TOMM70: variants seen among roughly 807,000 people sequenced by gnomAD.
The protein encoded by TOMM70 is translocase of outer mitochondrial membrane 70.
TOMM70 carries 13 observed loss-of-function variants against 73.6 expected under a neutral mutation model. The ratio of observed to expected loss-of-function variants is 0.18; its 90% CI spans 0.11 to 0.28. The LOEUF (loss-of-function observed/expected upper bound fraction) is 0.28. TOMM70 is among the 10% of genes least tolerant of loss of function. The pLI, the probability that TOMM70 is intolerant of heterozygous loss-of-function variation, is 1.00. For missense variants in TOMM70, 609 were observed against 747.5 expected, an observed-to-expected ratio of 0.81 and a Z score of 2.16; for synonymous variants, 257 against 271.2, an observed-to-expected ratio of 0.95 and a Z score of 0.51.
In TOMM70 at chr3:100,372,679, G is replaced by A; in HGVS notation, c.1379C>T (p.Ala460Val). The change falls in exon 9 of 12, where the codon GCA becomes GTA. Residue 460 changes from alanine (A) to valine (V), a missense_variant. Physicochemically the swap from Ala to Val is moderately conservative, Grantham distance 64. This residue lies in a region of TOMM70 where 432 missense variants were observed against 584.1 expected (regional missense o/e 0.74). Coordinates refer to ENST00000284320, the MANE Select transcript of TOMM70 (RefSeq NM_014820.5). ...GACCTCTTCAAAACCTTTCATAGCT[G>A]CTTGGATTTGTGAAGAGTTGTTTCC... Reference protein sequence around the residue: ...YTGNNSSQIQAAMKGFEEVIK... With the variant: ...YTGNNSSQIQVAMKGFEEVIK... 6.2e-7 allele frequency: 1 copy of A among 1,613,970 alleles called. No individual in the cohort carries two copies. The highest frequency in any genetic ancestry group is 1.7e-5 in the Admixed American group (1 of 60,002).
rs1280693770 is a variant in TOMM70, at chr3:100,400,656, G to A, written c.294C>T (p.His98=). The change falls in exon 1 of 12, where the codon CAC becomes CAT. Residue 98 remains histidine, a synonymous_variant. Coordinates refer to ENST00000284320, the MANE Select transcript of TOMM70 (RefSeq NM_014820.5). ...GRASPAPGSG[H]PEGPGAHLDM... ...CCAAGTGAGCACCGGGACCTTCAGG[G>A]TGTCCGCTGCCCGGGGCCGGACTGG... is the stretch of plus-strand genomic sequence containing the variant. 3.7e-6 allele frequency: 6 copies of A among 1,612,266 alleles called. No individual in the cohort carries two copies. Among genetic ancestry groups the A allele is most frequent in the African/African-American group, 2.7e-5 (2 of 74,880 alleles).
intron 1 of TOMM70, among the ~76,000 whole-genome samples, chr3:100,394,597 G>C (rs925560597): frequency 1.3e-5 from 2 of 152,012 alleles, no homozygotes; most frequent in East Asian, 3.9e-4. Context: ...TCCACCTCCC[G>C]GGTTCAAGTG....
intron 2 of TOMM70, 106 bp from the exon 3 acceptor site, chr3:100,386,450 G>GTAT: frequency 8.4e-7 from 1 of 1,185,980 alleles, no homozygotes; most frequent in Non-Finnish European, 1.1e-6. Flanking sequence ...GAATAAAAAA[G>GTAT]TATTCCTAAT....
intron 9 of TOMM70, among the ~76,000 whole-genome samples, chr3:100,369,469 C>A (rs1706484763): frequency 6.6e-6 from 1 of 150,942 alleles, no homozygotes; most frequent in African/African-American, 2.4e-5. Flanking sequence ...ATCACTTATT[C>A]ATAATTTATC....
chr3:100,379,816 TC>T (rs2148891341), intron 5 of TOMM70, among the ~76,000 whole-genome samples: 1 of 152,162 alleles, frequency 6.6e-6, no homozygotes, highest in East Asian at 1.9e-4. Flanking sequence ...ACAGGGTTTC[TC>T]CATGTTGCCC....
At chr3:100,397,667 A>G (rs554883557) in intron 1 of TOMM70, among the ~76,000 whole-genome samples, 25 of 152,110 alleles carry the variant, frequency 1.6e-4, no homozygotes, top group East Asian at 1.4e-3. Flanking sequence ...AAGGCGGGTG[A>G]ATCACGAGGT....
intron 3 of TOMM70, 96 bp from the exon 4 acceptor site, chr3:100,384,684 T>C (rs1389587854): frequency 5.3e-6 from 4 of 752,782 alleles, no homozygotes. Context: ...AAAGCCAAAC[T>C]AAATTCATGG....
At chr3:100,399,155 G>A (rs553162314) in intron 1 of TOMM70, among the ~76,000 whole-genome samples, 4 of 151,992 alleles carry the variant, frequency 2.6e-5, no homozygotes, top group Admixed American at 6.6e-5. Flanking sequence ...GGTGGCGCGC[G>A]CCTGTAGTCC....
intron 11 of TOMM70, 124 bp downstream of exon 11, chr3:100,367,920 C>T: frequency 1.9e-6 from 2 of 1,063,624 alleles, no homozygotes; most frequent in East Asian, 3.1e-5. Flanking sequence ...TTTTTTTTTC[C>T]AACGTGAATA....
chr3:100,378,932 G>A (rs1266920992), intron 5 of TOMM70, among the ~76,000 whole-genome samples: 6 of 152,098 alleles, frequency 3.9e-5, no homozygotes, highest in East Asian at 1.9e-4. Flanking sequence ...GCATGAACCC[G>A]GGAGGCGGAG....
At chr3:100,367,735 G>A (rs925514727) in intron 11 of TOMM70, among the ~76,000 whole-genome samples, 19 of 152,196 alleles carry the variant, frequency 1.2e-4, no homozygotes, top group Non-Finnish European at 2.5e-4. Flanking sequence ...CAAAATAAGA[G>A]GTTAAGGACA....
At chr3:100,370,132 A>G (rs1706492986) in intron 9 of TOMM70, among the ~76,000 whole-genome samples, 2 of 152,220 alleles carry the variant, frequency 1.3e-5, no homozygotes, top group Admixed American at 6.5e-5. Context: ...TAGCCAGCAC[A>G]TCTTCTTTAT....
At chr3:100,367,079 G>C (rs1000582698) in intron 11 of TOMM70, among the ~76,000 whole-genome samples, 6 of 152,112 alleles carry the variant, frequency 3.9e-5, no homozygotes, top group African/African-American at 1.4e-4. Context: ...AAGTTAGCTG[G>C]GCATGGTGGT....
intron 2 of TOMM70, 119 bp downstream of exon 2, chr3:100,386,686 T>A: frequency 8.2e-7 from 1 of 1,225,404 alleles, no homozygotes; most frequent in Non-Finnish European, 1.1e-6. Flanking sequence ...AAGAACAACA[T>A]CCCATAATTT....
rs1295922467 is a variant in TOMM70 at position 100,363,865 on chromosome 3, T to G, written c.*1699A>C. The G allele has an allele frequency of 6.6e-6, 1 of 152,280 alleles. No homozygotes were observed. Among genetic ancestry groups the G allele is most frequent in the East Asian group, 1.9e-4 (1 of 5,174 alleles). The allele number at this position is 152,280 out of a possible 1,614,324, so 9.4% of individuals were successfully genotyped here. On this transcript the variant is annotated 3_prime_UTR_variant, in exon 12 of 12. Transcript: ENST00000284320. Reference sequence around the variant, plus strand: ...GAATTATATTAACTGCACCAACTAATTAGTGACCTCCTCAATATTTTCCAA... The same window carrying G: ...GAATTATATTAACTGCACCAACTAAGTAGTGACCTCCTCAATATTTTCCAA...
chr3:100,378,029 G>A (rs368326466), intron 5 of TOMM70, 117 bp from the exon 6 acceptor site: 27 of 792,532 alleles, frequency 3.4e-5, no homozygotes, highest in Middle Eastern at 3.9e-4. Flanking sequence ...GGCGGATCAC[G>A]AGGTCAGGCA....
chr3:100,385,890 G>C (rs1221841682), intron 3 of TOMM70, among the ~76,000 whole-genome samples: 2 of 152,060 alleles, frequency 1.3e-5, no homozygotes, highest in Admixed American at 6.5e-5. Flanking sequence ...GAAATATGTA[G>C]AACCTTAGAA....
intron 9 of TOMM70, among the ~76,000 whole-genome samples, chr3:100,370,099 C>T (rs1706492507): frequency 6.6e-6 from 1 of 151,868 alleles, no homozygotes; most frequent in African/African-American, 2.4e-5. Context: ...TTAAAAATCG[C>T]TCTTAAAAAT....
Position 100,400,849 on chromosome 3 carries a change from C to G in TOMM70, c.101G>C (p.Gly34Ala). ...AGCCAGCTGCCATCGCGGCAGCCCC[C>G]CCGTGCCCGGGCCCGCAGTCCCGCC... ...GGGGTAGPGT[G>A]GLPRWQLALA... is the part of the protein sequence containing the mutation. Residue 34 changes from glycine to alanine, a missense_variant, in exon 1 of 12, where the codon GGG becomes GCG. This residue lies in a region of TOMM70 where 177 missense variants were observed against 163.5 expected (regional missense o/e 1.08). Coordinates refer to ENST00000284320, the MANE Select transcript of TOMM70 (RefSeq NM_014820.5). 1 of 1,525,240 alleles carries G rather than the reference C, an allele frequency of 6.6e-7. No homozygotes were observed. Among genetic ancestry groups the G allele is most frequent in the South Asian group, 1.2e-5 (1 of 83,560 alleles). The allele number at this position is 1,525,240 out of a possible 1,614,324, so 94.5% of individuals were successfully genotyped here.
Sources: gnomAD v4.1 joint callset for allele counts (sites outside exome capture counted in the v4.1 genomes callset) on GRCh38, gnomAD v4.1.1 for gene constraint, gnomAD v4.1.1 regional missense constraint, MANE v1.5 for transcripts, NCBI Gene and HGNC (gene_info 2026-07-23, HGNC 2026-07-21) for gene names.